MALRD1: variants seen among roughly 807,000 people sequenced by gnomAD.
MALRD1 encodes the protein MAM and LDL receptor class A domain containing 1.
Under a neutral mutation model 242.1 loss-of-function variants are expected in MALRD1, and 247 were observed. The ratio of observed to expected loss-of-function variants is 1.02; its 90% CI spans 0.92 to 1.13. The LOEUF is 1.13. Among genes scored for constraint, MALRD1 ranks in the 50% most tolerant of loss-of-function variants. MALRD1 has a pLI of 0.00. For synonymous variants in MALRD1, 995 were observed against 866.6 expected (o/e 1.15, Z -2.60); for missense variants, 2,989 against 2,533.1 (o/e 1.18, Z -3.86).
At chr10:19,125,443 C>CTCTT (rs369495695) in intron 7 of MALRD1, among the ~76,000 whole-genome samples, 8,334 of 140,642 alleles carry the variant, frequency 0.059, 314 homozygotes, top group South Asian at 0.12. Context: ...CTTTCTTTCT[C>CTCTT]TCTTTCAACA....
chr10:19,142,605 C>G lies in MALRD1; in HGVS notation c.1412-3593C>G, dbSNP rs1412170816. Among the ~76,000 whole-genome samples the G allele has an allele frequency of 2.0e-5, 3 of 152,266 alleles. No homozygotes were observed. The East Asian group carries it at 5.8e-4, about 29-fold the overall frequency. ...TCTAAAACTGTGAACAGCGCCATAT[C>G]TCATACTGCGCTTAGAGATGGTGAA... On this transcript the variant is annotated intron_variant, in intron 10 of 39. Coordinates refer to ENST00000454679, the MANE Select transcript of MALRD1 (RefSeq NM_001142308.3).
intron 32 of MALRD1, among the ~76,000 whole-genome samples, chr10:19,544,568 C>A (rs1192547379): frequency 6.9e-6 from 1 of 144,058 alleles, no homozygotes; most frequent in African/African-American, 2.5e-5. Flanking sequence ...ATTGCTGTGC[C>A]TTTTTTTTTT....
intron 36 of MALRD1, among the ~76,000 whole-genome samples, chr10:19,637,866 C>T (rs899871429): frequency 6.6e-6 from 1 of 151,700 alleles, no homozygotes; most frequent in Admixed American, 6.6e-5. Flanking sequence ...TTTGGGAGGC[C>T]GAGGCAGGTG....
At chr10:19,057,942 G>A (rs1834715533) in intron 1 of MALRD1, among the ~76,000 whole-genome samples, 1 of 152,146 alleles carries the variant, frequency 6.6e-6, no homozygotes, top group South Asian at 2.1e-4. Context: ...TTAAGCATAT[G>A]TGTAATATAT....
intron 29 of MALRD1, among the ~76,000 whole-genome samples, chr10:19,453,668 G>A (rs575963193): frequency 2.2e-4 from 33 of 152,150 alleles, no homozygotes; most frequent in African/African-American, 7.5e-4. Context: ...TTAAGGCCAG[G>A]AGTTCGAGAC....
intron 39 of MALRD1, among the ~76,000 whole-genome samples, chr10:19,732,408 G>T (rs183893338): frequency 6.6e-6 from 1 of 151,954 alleles, no homozygotes; most frequent in Non-Finnish European, 1.5e-5. Flanking sequence ...GATTAGAGGC[G>T]CCTGCCACCA....
At chr10:19,504,550 C>G (rs12260183) in intron 31 of MALRD1, among the ~76,000 whole-genome samples, 6,590 of 151,886 alleles carry the variant, frequency 0.043, 491 homozygotes, top group African/African-American at 0.15. Flanking sequence ...CCACTTTGAT[C>G]TTACTCATAT....
chr10:19,237,718 ATATAAATATATAAT>A, intron 18 of MALRD1, among the ~76,000 whole-genome samples: 1 of 114,874 alleles, frequency 8.7e-6, no homozygotes, highest in African/African-American at 3.3e-5. Context: ...ATATATTTAT[ATATAAATATATAAT>A]TATATATAAT....
rs570985391 is a variant in MALRD1, at chr10:19,352,083, G to A, written c.4227G>A (p.Thr1409=). The A allele has an allele frequency of 3.3e-5, 51 of 1,550,324 alleles. No homozygotes were observed. The East Asian group carries it at 3.9e-4, about 12-fold the overall frequency. The change falls in exon 26 of 40, where the codon ACG becomes ACA. Residue 1409 remains threonine, a synonymous_variant. Coordinates refer to ENST00000454679, the MANE Select transcript of MALRD1 (RefSeq NM_001142308.3). ...TGCAGGTGTCAGTCACAAACCAAACGAAGGTTCTACTTAACCTCACTGTAG... is the reference window on the plus strand; with the variant it reads ...TGCAGGTGTCAGTCACAAACCAAACAAAGGTTCTACTTAACCTCACTGTAG... ...TLMQVSVTNQ[T]KVLLNLTVEQ...
rs138389712 is a variant in MALRD1, at chr10:19,658,973, T to G, written c.6138-33309T>G. On this transcript the variant is annotated intron_variant, in intron 36 of 39. Transcript: ENST00000454679. ...CGTTTACTTTGGAAAACAAATGGTT[T>G]GTTATCTGTAAGTGTTTTAATTGGC... 1.4e-4 allele frequency among the ~76,000 whole-genome samples: 21 copies of G among 152,318 alleles called. No homozygotes were observed. In the East Asian group the frequency reaches 3.5e-3, roughly 25 times the overall value.
At chr10:19,191,487 T>C (rs956132840) in intron 14 of MALRD1, among the ~76,000 whole-genome samples, 2 of 152,176 alleles carry the variant, frequency 1.3e-5, no homozygotes, top group African/African-American at 4.8e-5. Context: ...ATTCCAGTTT[T>C]GGGTATATAC....
chr10:19,052,846 G>T (rs992020969), intron 1 of MALRD1, among the ~76,000 whole-genome samples: 2 of 152,128 alleles, frequency 1.3e-5, no homozygotes, highest in Non-Finnish European at 2.9e-5. Flanking sequence ...AAGGAATTCA[G>T]GGCTTTTGGC....
At chr10:19,689,048 T>C (rs1254500462) in intron 36 of MALRD1, among the ~76,000 whole-genome samples, 3 of 152,162 alleles carry the variant, frequency 2.0e-5, no homozygotes, top group African/African-American at 7.2e-5. Flanking sequence ...ACTAAAAATA[T>C]ATATTTATGT....
chr10:19,539,855 TGCGTGTGTGTGTG>T lies in MALRD1; in HGVS notation c.5478+8505_5478+8517del, dbSNP rs1564425292. 4.3e-3 allele frequency among the ~76,000 whole-genome samples: 374 copies of T among 87,446 alleles called. 10 individuals are homozygous for T. Among genetic ancestry groups the T allele is most frequent in the African/African-American group, 0.016 (331 of 20,332 alleles). 57.4% of individuals were successfully genotyped at this position (87,446 alleles called of 152,430 possible). ...GCATGCGCCACCACACCCAGCTTTG[TGCGTGTGTGTGTG>T]TGTGTGTGTGTGTGTGTGTGTGTGT... On this transcript the variant is annotated intron_variant, in intron 32 of 39. Transcript: ENST00000454679.
At chr10:19,322,859 T>A (rs912733474) in intron 21 of MALRD1, among the ~76,000 whole-genome samples, 4 of 152,210 alleles carry the variant, frequency 2.6e-5, no homozygotes, top group Non-Finnish European at 4.4e-5. Flanking sequence ...CATCTATATT[T>A]AATTTAGAAA....
chr10:19,429,694 A>T (rs1834044106), intron 28 of MALRD1, among the ~76,000 whole-genome samples: 1 of 152,114 alleles, frequency 6.6e-6, no homozygotes, highest in East Asian at 1.9e-4. Flanking sequence ...TAGATATTTT[A>T]CCCCCATACG....
chr10:19,094,642 TTTTTCC>T (rs1287833538), intron 4 of MALRD1, among the ~76,000 whole-genome samples: 2 of 152,184 alleles, frequency 1.3e-5, no homozygotes, highest in Non-Finnish European at 2.9e-5. Flanking sequence ...CTTTCATTTC[TTTTTCC>T]TTCCAGACTT....
At chr10:19,708,159 G>C (rs1833947889) in intron 38 of MALRD1, among the ~76,000 whole-genome samples, 1 of 119,900 alleles carries the variant, frequency 8.3e-6, no homozygotes, top group African/African-American at 2.6e-5. Flanking sequence ...AAGCTTATTT[G>C]GGCAGTAGGG....
intron 5 of MALRD1, among the ~76,000 whole-genome samples, chr10:19,106,299 A>G (rs1386173362): frequency 6.6e-6 from 1 of 151,550 alleles, no homozygotes; most frequent in African/African-American, 2.4e-5. Flanking sequence ...TGAAGCCATC[A>G]GGTTCTGGGT....
Sources: allele counts gnomAD v4.1 joint callset (sites outside exome capture counted in the v4.1 genomes callset), GRCh38; gene constraint gnomAD v4.1.1; transcripts MANE v1.5; gene names NCBI Gene and HGNC (gene_info 2026-07-23, HGNC 2026-07-21).